GRB10: variants seen among roughly 807,000 people sequenced by gnomAD.
GRB10 encodes the protein growth factor receptor-bound protein 10.
In GRB10, 20 loss-of-function variants were observed where a neutral mutation model predicts 80.9. The observed-to-expected ratio is 0.25, with a 90% CI of 0.17 to 0.36. GRB10 has a LOEUF of 0.36. GRB10 is among the 10% of genes least tolerant of loss of function. The probability of loss-of-function intolerance (pLI) is 1.00; values close to 1 mark genes in which losing one functional copy is unlikely to be tolerated. For missense variants in GRB10, 548 were observed against 747.7 expected (o/e 0.73, Z 3.12); for synonymous variants, 291 against 291.5 (o/e 1.00, Z 0.02).
At chr7:50,713,884 T>C (rs2066395185) in intron 4 of GRB10, among the ~76,000 whole-genome samples, 1 of 151,280 alleles carries the variant, frequency 6.6e-6, no homozygotes, top group East Asian at 2.0e-4. Flanking sequence ...TAGCTCCTCC[T>C]CCTCCTCCAC....
intron 5 of GRB10, among the ~76,000 whole-genome samples, chr7:50,694,913 T>G (rs1375999151): frequency 6.6e-6 from 1 of 152,176 alleles, no homozygotes; most frequent in Admixed American, 6.5e-5. Flanking sequence ...TGATAGCAGA[T>G]AGACTGTCAA....
intron 4 of GRB10, among the ~76,000 whole-genome samples, chr7:50,708,427 G>A (rs2065332498): frequency 6.6e-6 from 1 of 152,318 alleles, no homozygotes; most frequent in South Asian, 2.1e-4. Flanking sequence ...GTTAGCCACT[G>A]TGGCACTAAA....
chr7:50,640,220 A>G (rs1465190594), intron 7 of GRB10, among the ~76,000 whole-genome samples: 1 of 152,230 alleles, frequency 6.6e-6, no homozygotes, highest in Non-Finnish European at 1.5e-5. Context: ...GTTTTCACAC[A>G]TGACTCCTTG....
At chr7:50,724,427 A>G (rs1039175640) in intron 4 of GRB10, among the ~76,000 whole-genome samples, 1 of 152,158 alleles carries the variant, frequency 6.6e-6, no homozygotes, top group Non-Finnish European at 1.5e-5. Flanking sequence ...CTCTAAACAC[A>G]TTTTCTCAAT....
At chr7:50,772,484 C>T (rs756944715) in intron 2 of GRB10, among the ~76,000 whole-genome samples, 2 of 152,072 alleles carry the variant, frequency 1.3e-5, no homozygotes, top group Admixed American at 6.5e-5. Context: ...TACTCAATGG[C>T]GAAATAGTGA....
At chr7:50,645,234 C>T (rs886759114) in intron 7 of GRB10, among the ~76,000 whole-genome samples, 3 of 152,154 alleles carry the variant, frequency 2.0e-5, no homozygotes, top group African/African-American at 7.2e-5. Context: ...AGCTTACATA[C>T]CATCAAAATG....
At chr7:50,616,402 C>T in intron 10 of GRB10, 55 bp from the exon 11 acceptor site, 2 of 1,516,998 alleles carry the variant, frequency 1.3e-6, no homozygotes, top group Non-Finnish European at 1.8e-6. Context: ...ATAATTAAAG[C>T]AGACATGTTA....
chr7:50,763,888 G>A (rs1297235396), intron 2 of GRB10, among the ~76,000 whole-genome samples: 4 of 152,146 alleles, frequency 2.6e-5, no homozygotes, highest in East Asian at 1.9e-4. Context: ...CTAGCTCTGG[G>A]GAGCCCATGA....
intron 6 of GRB10, among the ~76,000 whole-genome samples, chr7:50,673,547 G>T (rs2060580529): frequency 6.6e-6 from 1 of 152,104 alleles, no homozygotes; most frequent in Admixed American, 6.5e-5. Flanking sequence ...AAACGCAGCT[G>T]CTCCTCCTCA....
intron 8 of GRB10, among the ~76,000 whole-genome samples, chr7:50,623,286 T>C (rs565657938): frequency 3.7e-4 from 57 of 152,284 alleles, no homozygotes; most frequent in Middle Eastern, 3.4e-3. Context: ...GAAGGGACCA[T>C]TTAAAGGGAC....
intron 13 of GRB10, among the ~76,000 whole-genome samples, chr7:50,608,226 G>C (rs1283624549): frequency 3.3e-5 from 5 of 152,072 alleles, no homozygotes; most frequent in Admixed American, 2.0e-4. Context: ...AACAACCAGA[G>C]GAAAACGTGC....
intron 3 of GRB10, among the ~76,000 whole-genome samples, chr7:50,749,029 G>C (rs1413977440): frequency 6.6e-6 from 1 of 152,116 alleles, no homozygotes; most frequent in East Asian, 1.9e-4. Flanking sequence ...ACAATCTAGA[G>C]GATGCCACAA....
intron 3 of GRB10, among the ~76,000 whole-genome samples, chr7:50,733,367 G>C (rs1054919722): frequency 6.6e-6 from 1 of 152,124 alleles, no homozygotes; most frequent in Non-Finnish European, 1.5e-5. Flanking sequence ...ACTTTGTTAT[G>C]ACAGCCTTAC....
chr7:50,672,258 T>A (rs2060444454), intron 6 of GRB10, among the ~76,000 whole-genome samples: 1 of 152,108 alleles, frequency 6.6e-6, no homozygotes, highest in South Asian at 2.1e-4. Flanking sequence ...AGCAGCCTGC[T>A]CCATGGCCAC....
chr7:50,770,702 C>T (rs886965674), intron 2 of GRB10, among the ~76,000 whole-genome samples: 3 of 152,120 alleles, frequency 2.0e-5, no homozygotes, highest in African/African-American at 7.2e-5. Context: ...ATCCAACTAC[C>T]TTCTCTTAAA....
Position 50,782,227 on chromosome 7 carries a change from G to A in GRB10, c.-327+197C>T, listed in dbSNP as rs1215306107. Among the ~76,000 whole-genome samples the A allele has an allele frequency of 6.6e-6, 1 of 151,944 alleles. No individual in the cohort carries two copies. The highest frequency in any genetic ancestry group is 1.9e-4 in the East Asian group (1 of 5,192). The stretch of plus-strand genomic sequence containing the variant: ...CCTATGGCTGGCGGCAACGAAGCTC[G>A]GGATCTCGGACTGCAGCGAGCCCGC... On this transcript the variant is annotated intron_variant, in intron 1 of 18. Transcript: ENST00000401949. This position sits in a 1 kb window ranked among gnomAD's most constrained non-coding sequence, Gnocchi z 6.6.
chr7:50,781,959 A>C (rs2078330498), intron 1 of GRB10, among the ~76,000 whole-genome samples: 1 of 152,176 alleles, frequency 6.6e-6, no homozygotes, highest in African/African-American at 2.4e-5. Flanking sequence ...TATGCCATCC[A>C]GGTTTAAGAG....
At chr7:50,731,058 A>G (rs1406198710) in intron 4 of GRB10, among the ~76,000 whole-genome samples, 2 of 152,150 alleles carry the variant, frequency 1.3e-5, no homozygotes, top group Non-Finnish European at 2.9e-5. Flanking sequence ...GCTTTAATCA[A>G]TGGGGGGAGG....
rs755423571 is a variant in GRB10 at position 50,732,339 on chromosome 7, C to T, written c.-17G>A. On this transcript the variant is annotated 5_prime_UTR_variant, in exon 4 of 19. Coordinates refer to ENST00000401949, the MANE Select transcript of GRB10 (RefSeq NM_001350814.2). ...TAAAGCCATGGGTTCCTTCTGCCTT[C>T]TTCAAATTACATTTACTGCGCTGCA... 1.2e-6 allele frequency: 2 copies of T among 1,612,622 alleles called. No homozygotes were observed. Among genetic ancestry groups the T allele is most frequent in the South Asian group, 2.2e-5 (2 of 91,042 alleles).
Sources: allele counts gnomAD v4.1 joint callset (sites outside exome capture counted in the v4.1 genomes callset), GRCh38; gene constraint gnomAD v4.1.1; non-coding constraint Gnocchi (gnomAD v3.1); transcripts MANE v1.5; gene names NCBI Gene and HGNC (gene_info 2026-07-23, HGNC 2026-07-21).